Variants in NCOR2 observed in about 807,000 individuals in gnomAD.
NCOR2 encodes the protein CTG repeat protein 26.
A neutral mutation model predicts 262.9 loss-of-function variants in NCOR2; 81 were observed. The observed-to-expected ratio is 0.31, with a 90% CI of 0.26 to 0.37. The LOEUF (loss-of-function observed/expected upper bound fraction) is 0.37, where lower values mean the gene tolerates loss of function less well. Ranked by LOEUF, NCOR2 falls within the 10% of genes least tolerant of loss-of-function variation. The pLI is 1.00. For synonymous variants in NCOR2, 1,659 were observed against 1,559.3 expected (o/e 1.06, Z -1.51); for missense variants, 3,385 against 3,621.4 (o/e 0.93, Z 1.68).
intron 10 of NCOR2, among the ~76,000 whole-genome samples, chr12:124,427,347 C>G (rs2043610901): frequency 6.6e-6 from 1 of 152,200 alleles, no homozygotes; most frequent in Admixed American, 6.5e-5. Flanking sequence ...GGGATCTGGC[C>G]TGCCCAGCCC....
chr12:124,417,114 TCACTCCAC>T (rs2042931587), intron 13 of NCOR2, among the ~76,000 whole-genome samples: 1 of 145,166 alleles, frequency 6.9e-6, no homozygotes, highest in Non-Finnish European at 1.5e-5. Context: ...GGCCGGACAG[TCACTCCAC>T]GGAGAGCAGA....
rs748474412 is a variant in NCOR2, at chr12:124,445,622, A to AGGCT, written c.815+4189_815+4192dup. Among the ~76,000 whole-genome samples, 112 of 152,118 alleles carry AGGCT rather than the reference A, an allele frequency of 7.4e-4. 1 individual carries two copies. Among genetic ancestry groups the AGGCT allele is most frequent in the Middle Eastern group, 3.4e-3 (1 of 294 alleles). On this transcript the variant is annotated intron_variant, in intron 7 of 46. Transcript: ENST00000405201. ...GGCGAGGAGGCCGTGAGCGCCAGGGAGGCTGCTCCAGGGGAAGCTGGGAGC... is the reference window on the plus strand; with the variant it reads ...GGCGAGGAGGCCGTGAGCGCCAGGGAGGCTGGCTGCTCCAGGGGAAGCTGGGAGC...
intron 16 of NCOR2, among the ~76,000 whole-genome samples, chr12:124,393,586 C>T (rs2041462224): frequency 6.6e-6 from 1 of 152,208 alleles, no homozygotes; most frequent in Admixed American, 6.5e-5. Flanking sequence ...TTGCACATGC[C>T]TGTCCTGCCT....
At chr12:124,348,484 C>T in intron 28 of NCOR2, 170 bp from the exon 31 acceptor site, 1 of 871,248 alleles carries the variant, frequency 1.1e-6, no homozygotes, top group South Asian at 1.9e-5. Flanking sequence ...CCTGCAGGCC[C>T]TGGGGGCCTG....
chr12:124,325,385 C>CCA (rs1555297274), exon 47 of NCOR2: 17 of 539,440 alleles, frequency 3.2e-5, no homozygotes, highest in South Asian at 6.0e-5. Context: ...CCGCCCCCCC[C>CCA]CCCGCCCTGT....
chr12:124,466,049 G>A, intron 5 of NCOR2, 124 bp downstream of exon 7: 2 of 931,658 alleles, frequency 2.1e-6, no homozygotes, highest in Non-Finnish European at 3.2e-6. Flanking sequence ...GCGTCTCTGG[G>A]GGAGAGGGTG....
chr12:124,553,383 G>A (rs992576889), intron 1 of NCOR2, among the ~76,000 whole-genome samples: 21 of 152,234 alleles, frequency 1.4e-4, no homozygotes, highest in East Asian at 3.9e-4. Context: ...GACATCGTTC[G>A]GGGGACCATT....
Position 124,406,400 on chromosome 12 carries a change from C to T in NCOR2, c.1483-3839G>A, listed in dbSNP as rs569495456. Among the ~76,000 whole-genome samples, 23 of 152,266 alleles carry T rather than the reference C, an allele frequency of 1.5e-4. No homozygotes were observed. In the South Asian group the frequency reaches 2.1e-3, roughly 14 times the overall value. Reference sequence around the variant, plus strand: ...CCTGGGACTCTGCATTTCTAACCTGCGCCAGGAGAAGCTGCCACGGCTGGC... The same window carrying T: ...CCTGGGACTCTGCATTTCTAACCTGTGCCAGGAGAAGCTGCCACGGCTGGC... On this transcript the variant is annotated intron_variant, in intron 13 of 46. Transcript: ENST00000405201.
chr12:124,453,066 G>A (rs1181465123), intron 6 of NCOR2, among the ~76,000 whole-genome samples: 1 of 152,184 alleles, frequency 6.6e-6, no homozygotes, highest in Non-Finnish European at 1.5e-5. Flanking sequence ...AAGCCCAGAA[G>A]GGAGTGGGGG....
rs530020915 is a variant in NCOR2, at chr12:124,332,740, C to T, written c.6756-273G>A. 3.3e-5 allele frequency among the ~76,000 whole-genome samples: 5 copies of T among 152,266 alleles called. No homozygotes were observed. The South Asian group carries it at 8.3e-4, about 25-fold the overall frequency. ...CCAGCCTGACCCTCTCAAGAGAGCC[C>T]CAAGGACTGAAATTGGGTTCCGATC... On this transcript the variant is annotated intron_variant, in intron 42 of 46. Transcript: ENST00000405201.
At chr12:124,335,353 T>C in intron 39 of NCOR2, 73 bp from the exon 42 acceptor site, 1 of 1,503,204 alleles carries the variant, frequency 6.7e-7, no homozygotes, top group Non-Finnish European at 8.9e-7. Flanking sequence ...CCCAGCCCCA[T>C]GCCTTTGAGC....
chr12:124,420,522 T>C (rs1186461751), intron 12 of NCOR2, among the ~76,000 whole-genome samples: 1 of 152,186 alleles, frequency 6.6e-6, no homozygotes. Context: ...TTTGAGGTCC[T>C]GAATAGCCTC....
exon 33 of NCOR2, chr12:124,343,132 G>A: frequency 5.0e-6 from 8 of 1,612,142 alleles, no homozygotes; most frequent in South Asian, 2.2e-5. Context: ...GGTGTGGGTG[G>A]TGCTCGGGCA....
In NCOR2 at chr12:124,519,136, C is replaced by T. The variant is rs950870929; in HGVS notation, c.-118+16429G>A. Among the ~76,000 whole-genome samples, 14 of 26,340 alleles carry T rather than the reference C, an allele frequency of 5.3e-4. No homozygotes were observed. The Admixed American group carries it at 6.2e-3, about 12-fold the overall frequency. 17.3% of individuals were successfully genotyped at this position (26,340 alleles called of 152,430 possible). A position where few individuals can be genotyped will look rare whatever the true frequency, so the allele number is the denominator to read the frequency against. Reference sequence around the variant, plus strand: ...CACACACACACACACACACACAGGCCAACAATGATGGCTTGGTAGTCAGCC... The same window carrying T: ...CACACACACACACACACACACAGGCTAACAATGATGGCTTGGTAGTCAGCC... On this transcript the variant is annotated intron_variant, in intron 1 of 46. Transcript: ENST00000404621.
intron 9 of NCOR2, among the ~76,000 whole-genome samples, chr12:124,430,277 G>T (rs2043840061): frequency 6.6e-6 from 1 of 152,186 alleles, no homozygotes; most frequent in South Asian, 2.1e-4. Context: ...TGACAGCGTG[G>T]TCTCTTAGCC....
intron 16 of NCOR2, among the ~76,000 whole-genome samples, chr12:124,397,794 C>G (rs1315313925): frequency 6.6e-6 from 1 of 152,140 alleles, no homozygotes; most frequent in Non-Finnish European, 1.5e-5. Flanking sequence ...CTGCTCTGTC[C>G]CCAAGGCCCA....
At chr12:124,428,365 G>A (rs984114447) in intron 10 of NCOR2, among the ~76,000 whole-genome samples, 6 of 152,220 alleles carry the variant, frequency 3.9e-5, no homozygotes, top group Non-Finnish European at 8.8e-5. Context: ...AACGTACCAC[G>A]AGAAGTTTTA....
intron 18 of NCOR2, among the ~76,000 whole-genome samples, chr12:124,375,685 G>A (rs1162172234): frequency 6.6e-6 from 1 of 152,146 alleles, no homozygotes; most frequent in Non-Finnish European, 1.5e-5. Flanking sequence ...TTTGAACCCC[G>A]GTCACCAAAT....
At chr12:124,354,387 G>T in intron 26 of NCOR2, 91 bp downstream of exon 28, 1 of 1,280,452 alleles carries the variant, frequency 7.8e-7, no homozygotes, top group South Asian at 1.5e-5. Context: ...TCTGGGAGAT[G>T]ACACTTCCCA....
Sources: allele counts gnomAD v4.1 joint callset (sites outside exome capture counted in the v4.1 genomes callset), GRCh38; gene constraint gnomAD v4.1.1; transcripts MANE v1.5; gene names NCBI Gene and HGNC (gene_info 2026-07-23, HGNC 2026-07-21).